Variants in DNAH14 observed in about 807,000 individuals in gnomAD.
The protein encoded by DNAH14 is dynein axonemal heavy chain 14, also known as axonemal beta dynein heavy chain 14.
DNAH14 carries 478 observed loss-of-function variants against 520.9 expected under a neutral mutation model. That is an observed-to-expected ratio of 0.92 (90% CI 0.85 to 0.99). The LOEUF (loss-of-function observed/expected upper bound fraction) is 0.99, where lower values mean the gene tolerates loss of function less well. Among genes scored for constraint, DNAH14 ranks in the 50% least tolerant of loss-of-function variants. The probability of loss-of-function intolerance (pLI) is 0.00; values close to 1 mark genes in which losing one functional copy is unlikely to be tolerated. For synonymous variants in DNAH14, 1,581 were observed against 1,757.2 expected (o/e 0.90, Z 2.51); for missense variants, 4,831 against 5,234.5 (o/e 0.92, Z 2.38).
intron 81 of DNAH14, among the ~76,000 whole-genome samples, chr1:225,382,827 A>T (rs1013608050): frequency 6.6e-6 from 1 of 152,244 alleles, no homozygotes; most frequent in African/African-American, 2.4e-5. Flanking sequence ...GAATGGATAA[A>T]ATATGGTATG....
chr1:225,351,199 G>A (rs2095361437), intron 71 of DNAH14, among the ~76,000 whole-genome samples: 1 of 152,122 alleles, frequency 6.6e-6, no homozygotes. Context: ...TTTAGGCCAG[G>A]AGTTTGAGAC....
At chr1:224,981,050 G>A (rs1416055749) in intron 8 of DNAH14, among the ~76,000 whole-genome samples, 1 of 143,186 alleles carries the variant, frequency 7.0e-6, no homozygotes, top group Non-Finnish European at 1.5e-5. Flanking sequence ...CATCTATTGA[G>A]ATGATCATGT....
intron 8 of DNAH14, among the ~76,000 whole-genome samples, chr1:224,988,059 C>A (rs1043779370): frequency 6.6e-6 from 1 of 150,620 alleles, no homozygotes; most frequent in African/African-American, 2.5e-5. Flanking sequence ...CCTCCCCCAC[C>A]TCTACCTCCA....
intron 60 of DNAH14, among the ~76,000 whole-genome samples, chr1:225,314,698 C>T (rs2094435462): frequency 6.6e-6 from 1 of 152,154 alleles, no homozygotes; most frequent in African/African-American, 2.4e-5. Context: ...ACTTACAAAG[C>T]TTAGCTTGGC....
chr1:225,174,908 C>A (rs777405519), intron 36 of DNAH14, among the ~76,000 whole-genome samples: 21 of 151,992 alleles, frequency 1.4e-4, no homozygotes, highest in Non-Finnish European at 2.5e-4. Context: ...TTTGTAAATG[C>A]TTTTTCAGCA....
intron 55 of DNAH14, among the ~76,000 whole-genome samples, chr1:225,299,529 C>T (rs1164188056): frequency 6.6e-6 from 1 of 152,178 alleles, no homozygotes; most frequent in Non-Finnish European, 1.5e-5. Flanking sequence ...ATATCCAGCT[C>T]TGTTGATCCA....
intron 71 of DNAH14, 58 bp from the exon 72 acceptor site, chr1:225,351,589 A>G: frequency 7.8e-7 from 1 of 1,282,314 alleles, no homozygotes; most frequent in Non-Finnish European, 1.1e-6. Context: ...TTTGTAATGA[A>G]TAACTAAAAG....
rs143058170 is a variant in DNAH14 at position 225,206,126 on chromosome 1, A to G, written c.6133A>G (p.Asn2045Asp). ...NKIRVIFEVD[N>D]LSQASPATVS... Reference sequence around the variant, plus strand: ...AATAAGAGTGATTTTTGAAGTGGACAATCTCTCTCAGGCCAGTCCTGCTAC... The same window carrying G: ...AATAAGAGTGATTTTTGAAGTGGACGATCTCTCTCAGGCCAGTCCTGCTAC... Residue 2045 changes from asparagine to aspartate, a missense_variant, in exon 40 of 86, where the codon AAT becomes GAT. Transcript: ENST00000682510. 1,381 of 1,551,476 alleles carry G rather than the reference A, an allele frequency of 8.9e-4. 9 individuals carry two copies. In the African/African-American group the frequency reaches 0.017, roughly 19 times the overall value.
intron 27 of DNAH14, among the ~76,000 whole-genome samples, chr1:225,138,339 C>G (rs75422931): frequency 0.042 from 6,357 of 152,342 alleles, 217 homozygotes; most frequent in Non-Finnish European, 0.061. Flanking sequence ...CCACTCTCCC[C>G]ATTGGATCTC....
At chr1:225,322,332 G>GC (rs775991049) in intron 61 of DNAH14, among the ~76,000 whole-genome samples, 19 of 151,504 alleles carry the variant, frequency 1.3e-4, no homozygotes, top group East Asian at 5.8e-4. Context: ...CAAGTGATCC[G>GC]CCCGCCTCAG....
intron 56 of DNAH14, among the ~76,000 whole-genome samples, chr1:225,301,240 T>C (rs548199629): frequency 6.6e-6 from 1 of 152,240 alleles, no homozygotes; most frequent in African/African-American, 2.4e-5. Flanking sequence ...TGGCTATCAA[T>C]GGTTTTAAAA....
At chr1:224,959,342 A>G (rs2060704906) in intron 3 of DNAH14, among the ~76,000 whole-genome samples, 1 of 152,016 alleles carries the variant, frequency 6.6e-6, no homozygotes, top group African/African-American at 2.4e-5. Context: ...GGAACAGGAG[A>G]GGTCTGTGGT....
intron 11 of DNAH14, among the ~76,000 whole-genome samples, chr1:225,027,124 CT>C (rs1408632544): frequency 2.6e-5 from 4 of 152,112 alleles, no homozygotes; most frequent in South Asian, 2.1e-4. Context: ...CTTTGTTGAA[CT>C]TTTTTTATTA....
chr1:225,335,153 G>A (rs1224939385), intron 66 of DNAH14, among the ~76,000 whole-genome samples: 3 of 146,844 alleles, frequency 2.0e-5, no homozygotes, highest in South Asian at 2.2e-4. Flanking sequence ...ATGTGTACAT[G>A]TGTGCATGTG....
At chr1:225,176,308 A>G (rs973608464) in intron 36 of DNAH14, among the ~76,000 whole-genome samples, 4 of 152,178 alleles carry the variant, frequency 2.6e-5, no homozygotes, top group Non-Finnish European at 5.9e-5. Flanking sequence ...TTGTTCTCAG[A>G]AAAGATACTT....
chr1:225,080,855 A>T, intron 19 of DNAH14, 107 bp downstream of exon 19: 2 of 1,201,306 alleles, frequency 1.7e-6, no homozygotes, highest in Non-Finnish European at 2.3e-6. Flanking sequence ...TCTCAGGTTG[A>T]CCATTATGGC....
In DNAH14 at chr1:224,956,441, T is replaced by TA. The variant is rs1251615791; in HGVS notation, c.217+1344dup. ...GATACACAAATACATACTATAGTGT[T>TA]ACAGTTGCCAACAGTATTCAGTACA... On this transcript the variant is annotated intron_variant, in intron 3 of 85. Transcript: ENST00000682510. 4.6e-5 allele frequency among the ~76,000 whole-genome samples: 7 copies of TA among 152,136 alleles called. No individual in the cohort carries two copies. The East Asian group carries it at 1.2e-3, about 25-fold the overall frequency.
chr1:225,368,218 G>T (rs1293020202), intron 77 of DNAH14, among the ~76,000 whole-genome samples, 186 bp downstream of exon 77: 1 of 152,180 alleles, frequency 6.6e-6, no homozygotes, highest in Admixed American at 6.5e-5. Flanking sequence ...GAATCAATTT[G>T]CAGCTCCACC....
At chr1:225,167,283 T>A (rs1559155563) in intron 35 of DNAH14, among the ~76,000 whole-genome samples, 1 of 152,304 alleles carries the variant, frequency 6.6e-6, no homozygotes, top group East Asian at 1.9e-4. Context: ...ATGGAAGAGA[T>A]CTGTGAGAAA....
Sources: allele counts gnomAD v4.1 joint callset (sites outside exome capture counted in the v4.1 genomes callset), GRCh38; gene constraint gnomAD v4.1.1; transcripts MANE v1.5; gene names NCBI Gene and HGNC (gene_info 2026-07-23, HGNC 2026-07-21).